ATP6V0A2: variants seen among roughly 807,000 people sequenced by gnomAD.
The protein encoded by ATP6V0A2 is V-type proton ATPase 116 kDa subunit a 2.
ATP6V0A2 carries 58 observed loss-of-function variants against 104.4 expected under a neutral mutation model. The ratio of observed to expected loss-of-function variants is 0.56; its 90% CI spans 0.45 to 0.69. The LOEUF (loss-of-function observed/expected upper bound fraction) is 0.69, where lower values mean the gene tolerates loss of function less well. Among genes scored for constraint, ATP6V0A2 ranks in the 30% least tolerant of loss-of-function variants. ATP6V0A2 has a pLI of 0.00. For missense variants in ATP6V0A2, 938 were observed against 1,062.9 expected (o/e 0.88, Z 1.63); for synonymous variants, 376 against 397.9 (o/e 0.95, Z 0.65).
Position 123,735,599 on chromosome 12 carries a change from A to G in ATP6V0A2, c.800A>G (p.Asn267Ser). 9 of 1,614,098 alleles carry G rather than the reference A, an allele frequency of 5.6e-6. No homozygotes were observed. Among genetic ancestry groups the G allele is most frequent in the Non-Finnish European group, 7.6e-6 (9 of 1,179,952 alleles). ...EERREIQEGL[N>S]TRIQDLYTVL... ...CGGAGGGAGATCCAGGAGGGGCTGA[A>G]CACCCGCATCCAGGATCTCTACACT... Residue 267 changes from asparagine (N) to serine (S), a missense_variant, in exon 8 of 20, where the codon AAC (asparagine) becomes AGC (serine). Physicochemically the swap from Asn to Ser is conservative, Grantham distance 46. Transcript: ENST00000330342.
intron 1 of ATP6V0A2, among the ~76,000 whole-genome samples, chr12:123,713,082 G>A (rs1956308571): frequency 6.6e-6 from 1 of 152,136 alleles, no homozygotes; most frequent in African/African-American, 2.4e-5. Flanking sequence ...GAAACGGGGT[G>A]ATGTGAAGGT....
In ATP6V0A2 at chr12:123,737,290, C is replaced by T. The variant is rs748475567; in HGVS notation, c.1038+19C>T. ...GGGCTCGGTAAGGCTGCCTTCCTCTCCTCTGCCAGGAACAGAAGAGAGACT... is the reference window on the plus strand; with the variant it reads ...GGGCTCGGTAAGGCTGCCTTCCTCTTCTCTGCCAGGAACAGAAGAGAGACT... On this transcript the variant is annotated intron_variant, in intron 9 of 19. Transcript: ENST00000330342. 4 of 1,612,228 alleles carry T rather than the reference C, an allele frequency of 2.5e-6. No individual in the cohort carries two copies. In the Admixed American group the frequency reaches 5.0e-5, roughly 20 times the overall value.
At chr12:123,729,526 G>A (rs1323555617) in intron 6 of ATP6V0A2, among the ~76,000 whole-genome samples, 1 of 151,998 alleles carries the variant, frequency 6.6e-6, no homozygotes, top group East Asian at 1.9e-4. Context: ...ATACCTAACA[G>A]CTGTGGGGCC....
At chr12:123,750,163 C>G (rs557847303) in intron 15 of ATP6V0A2, 1 of 152,372 alleles carries the variant, frequency 6.6e-6, no homozygotes, top group African/African-American at 2.4e-5. Flanking sequence ...AGCTACCTTT[C>G]TTTACTACCT....
At chr12:123,719,461 A>G (rs1304330864) in intron 2 of ATP6V0A2, among the ~76,000 whole-genome samples, 1 of 150,774 alleles carries the variant, frequency 6.6e-6, no homozygotes, top group African/African-American at 2.4e-5. Flanking sequence ...ATCTTGGCTC[A>G]CTGCAGACTC....
In ATP6V0A2 at chr12:123,743,945, C is replaced by G. The variant is rs1311581871; in HGVS notation, c.1189+10C>G. ...AGAGAAGTCAATCCAGGTTGGAAGTCTGATTTGTAAATACCCGTATTTCCA... is the reference window on the plus strand; with the variant it reads ...AGAGAAGTCAATCCAGGTTGGAAGTGTGATTTGTAAATACCCGTATTTCCA... On this transcript the variant is annotated intron_variant, in intron 10 of 19. Coordinates refer to ENST00000330342, the MANE Select transcript of ATP6V0A2 (RefSeq NM_012463.4). The G allele has an allele frequency of 1.2e-6, 2 of 1,614,012 alleles. No individual in the cohort carries two copies. The highest frequency in any genetic ancestry group is 2.7e-5 in the African/African-American group (2 of 74,906).
At chr12:123,739,958 CA>C (rs1262944715) in intron 9 of ATP6V0A2, among the ~76,000 whole-genome samples, 1 of 151,528 alleles carries the variant, frequency 6.6e-6, no homozygotes, top group Admixed American at 6.6e-5. Context: ...CTTTAAAGAC[CA>C]GTGATTTTCA....
chr12:123,714,625 A>C (rs1956322678), intron 1 of ATP6V0A2, among the ~76,000 whole-genome samples: 2 of 152,196 alleles, frequency 1.3e-5, no homozygotes, highest in South Asian at 4.1e-4. Context: ...TGAATATCAA[A>C]ACAAACAGCA....
chr12:123,735,199 T>TG (rs1338287791), intron 7 of ATP6V0A2, among the ~76,000 whole-genome samples: 17 of 151,890 alleles, frequency 1.1e-4, no homozygotes, highest in Non-Finnish European at 2.5e-4. Context: ...TGTGTGTGTC[T>TG]TTGTGTTTGT....
intron 9 of ATP6V0A2, among the ~76,000 whole-genome samples, chr12:123,742,698 G>T (rs1170443384): frequency 2.6e-5 from 4 of 151,978 alleles, no homozygotes; most frequent in African/African-American, 9.7e-5. Flanking sequence ...CTAACCAGGC[G>T]TGGTGGTGTG....
At chr12:123,748,168 C>T (rs546842582) in intron 14 of ATP6V0A2, among the ~76,000 whole-genome samples, 2 of 152,256 alleles carry the variant, frequency 1.3e-5, no homozygotes, top group African/African-American at 4.8e-5. Context: ...TCTAACTAGA[C>T]CTGTTCATTC....
intron 6 of ATP6V0A2, chr12:123,730,711 G>A (rs1956494083): frequency 6.6e-6 from 1 of 152,146 alleles, no homozygotes; most frequent in African/African-American, 2.4e-5. Context: ...GAAAATATCA[G>A]TAATTCTCAT....
intron 15 of ATP6V0A2, among the ~76,000 whole-genome samples, chr12:123,749,472 T>C (rs899095232): frequency 1.3e-5 from 2 of 152,216 alleles, no homozygotes; most frequent in African/African-American, 4.8e-5. Context: ...CTGACTGCTC[T>C]GCTTGGAGGC....
intron 16 of ATP6V0A2, among the ~76,000 whole-genome samples, chr12:123,751,692 C>G (rs1040245672): frequency 6.6e-6 from 1 of 152,058 alleles, no homozygotes; most frequent in Non-Finnish European, 1.5e-5. Flanking sequence ...GTTGAAAGAG[C>G]CTGCTGTGTC....
chr12:123,733,547 G>A, intron 6 of ATP6V0A2: 1 of 297,790 alleles, frequency 3.4e-6, no homozygotes, highest in Non-Finnish European at 6.5e-6. Context: ...ACTCGGGGCT[G>A]TTTATACCGT....
intron 15 of ATP6V0A2, among the ~76,000 whole-genome samples, chr12:123,749,632 A>G (rs1484080361): frequency 1.3e-5 from 2 of 152,248 alleles, no homozygotes; most frequent in African/African-American, 4.8e-5. Flanking sequence ...GTGCTTGCAC[A>G]ATCCAGCTAC....
intron 1 of ATP6V0A2, among the ~76,000 whole-genome samples, 195 bp downstream of exon 1, chr12:123,712,877 G>A (rs1482976155): frequency 6.6e-6 from 1 of 152,162 alleles, no homozygotes; most frequent in Admixed American, 6.5e-5. Flanking sequence ...GTCGCCGGCC[G>A]TCTGTGTGGT....
chr12:123,727,645 A>G, intron 5 of ATP6V0A2, 138 bp from the exon 6 acceptor site: 2 of 971,240 alleles, frequency 2.1e-6, no homozygotes, highest in East Asian at 2.4e-5. Flanking sequence ...TCTGACCAGC[A>G]CCTGAGATGT....
intron 15 of ATP6V0A2, among the ~76,000 whole-genome samples, chr12:123,749,708 C>T (rs779032609): frequency 1.5e-4 from 23 of 152,138 alleles, no homozygotes; most frequent in Non-Finnish European, 2.6e-4. Flanking sequence ...CTGCTGTGAG[C>T]GCCACGGCAT....
Sources: allele counts gnomAD v4.1 joint callset (sites outside exome capture counted in the v4.1 genomes callset), GRCh38; gene constraint gnomAD v4.1.1; transcripts MANE v1.5; gene names NCBI Gene and HGNC (gene_info 2026-07-23, HGNC 2026-07-21).